CTBP2: variants seen among roughly 807,000 people sequenced by gnomAD.
CTBP2 encodes the protein C-terminal-binding protein 2.
A neutral mutation model predicts 80.3 loss-of-function variants in CTBP2; 30 were observed. The ratio of observed to expected loss-of-function variants is 0.37; its 90% CI spans 0.28 to 0.51. The LOEUF is 0.51. CTBP2 is among the 20% of genes least tolerant of loss of function. CTBP2 has a pLI of 0.93. For synonymous variants in CTBP2, 594 were observed against 587.4 expected, an observed-to-expected ratio of 1.01 and a Z score of -0.16; for missense variants, 1,212 against 1,375.3, an observed-to-expected ratio of 0.88 and a Z score of 1.88.
chr10:125,022,783 G>C (rs1002115210), intron 1 of CTBP2, among the ~76,000 whole-genome samples: 2 of 152,224 alleles, frequency 1.3e-5, no homozygotes, highest in African/African-American at 4.8e-5. Flanking sequence ...CTCTGAGATG[G>C]GGGAAGCCTG....
In CTBP2 at chr10:124,992,576, T is replaced by G. The variant is rs1043174043; in HGVS notation, c.2777+119A>C. The G allele has an allele frequency of 3.1e-5, 20 of 641,000 alleles. No homozygotes were observed. The African/African-American group carries it at 3.5e-4, about 11-fold the overall frequency. 39.7% of individuals were successfully genotyped at this position (641,000 alleles called of 1,614,324 possible). A position where few individuals can be genotyped will look rare whatever the true frequency, so the allele number is the denominator to read the frequency against. On this transcript the variant is annotated intron_variant, in intron 8 of 8. Transcript: ENST00000309035. ...CACAGTTCCTGCTGAGAAGGCTGAT[T>G]GTTCTGACCCTGACTTAGCATCTGC...
At chr10:125,101,709 C>T (rs1850652450) in intron 2 of CTBP2, among the ~76,000 whole-genome samples, 1 of 152,164 alleles carries the variant, frequency 6.6e-6, no homozygotes, top group Admixed American at 6.5e-5. Flanking sequence ...ATGTTCATTG[C>T]AACATAGACC....
chr10:125,000,764 C>T (rs1954357697), intron 3 of CTBP2: 2 of 152,292 alleles, frequency 1.3e-5, no homozygotes, highest in Non-Finnish European at 2.9e-5. Flanking sequence ...GAGGGACCCT[C>T]TTTCATCAGG....
intron 2 of CTBP2, among the ~76,000 whole-genome samples, chr10:125,041,466 G>A (rs1040296176): frequency 1.3e-5 from 2 of 151,640 alleles, no homozygotes; most frequent in East Asian, 3.9e-4. Flanking sequence ...GTGGGGGCGG[G>A]GGGCCAAACC....
intron 2 of CTBP2, among the ~76,000 whole-genome samples, chr10:125,077,787 C>T (rs533134079): frequency 1.1e-3 from 167 of 152,308 alleles, no homozygotes; most frequent in Admixed American, 1.7e-3. Context: ...CTCTGCCTCC[C>T]GTGTTCAACC....
intron 1 of CTBP2, among the ~76,000 whole-genome samples, chr10:125,145,623 G>T (rs553923036): frequency 6.6e-6 from 1 of 152,250 alleles, no homozygotes; most frequent in Admixed American, 6.5e-5. Flanking sequence ...GGGAGGATTT[G>T]TCTTTCTCAA....
chr10:125,126,294 C>T (rs187700380), intron 1 of CTBP2, among the ~76,000 whole-genome samples: 120 of 152,322 alleles, frequency 7.9e-4, no homozygotes, highest in African/African-American at 2.8e-3. Context: ...AACTTAAGTT[C>T]TAATTCCACT....
At chr10:125,101,251 A>G (rs1319953606) in intron 2 of CTBP2, among the ~76,000 whole-genome samples, 1 of 152,236 alleles carries the variant, frequency 6.6e-6, no homozygotes, top group Non-Finnish European at 1.5e-5. Context: ...GGCCTCTCCC[A>G]GTGTGGCTCT....
intron 1 of CTBP2, among the ~76,000 whole-genome samples, chr10:125,015,864 A>G (rs1179492624): frequency 6.6e-6 from 1 of 152,236 alleles, no homozygotes; most frequent in Non-Finnish European, 1.5e-5. Flanking sequence ...CCGGCCGCAC[A>G]AGAGGCTGGG....
intron 2 of CTBP2, among the ~76,000 whole-genome samples, chr10:125,091,092 C>T (rs1382609682): frequency 1.3e-5 from 2 of 152,180 alleles, no homozygotes; most frequent in African/African-American, 4.8e-5. Context: ...AAGGATATGA[C>T]TTAACACAAA....
chr10:125,147,047 C>T (rs1044989167), intron 1 of CTBP2, among the ~76,000 whole-genome samples: 1 of 152,220 alleles, frequency 6.6e-6, no homozygotes, highest in Non-Finnish European at 1.5e-5. Flanking sequence ...CAGGATGCCA[C>T]CAAGCAAGTC....
chr10:125,041,607 GCAGTC>G (rs1345278480), intron 2 of CTBP2, among the ~76,000 whole-genome samples: 2 of 149,026 alleles, frequency 1.3e-5, no homozygotes, highest in African/African-American at 5.0e-5. Flanking sequence ...TGGTCAAACT[GCAGTC>G]TGGCCCCTCC....
At chr10:125,140,106 C>T (rs1397582229) in intron 1 of CTBP2, among the ~76,000 whole-genome samples, 4 of 152,080 alleles carry the variant, frequency 2.6e-5, no homozygotes, top group African/African-American at 4.8e-5. Context: ...TGGGAAGCCC[C>T]GCTGAAATCT....
At chr10:125,063,236 C>T (rs994490136) in intron 2 of CTBP2, among the ~76,000 whole-genome samples, 15 of 151,498 alleles carry the variant, frequency 9.9e-5, no homozygotes, top group African/African-American at 2.4e-4. Context: ...TGTTACTCTG[C>T]GCACATCTTC....
At chr10:125,073,148 C>G (rs1258067255) in intron 2 of CTBP2, among the ~76,000 whole-genome samples, 8 of 152,260 alleles carry the variant, frequency 5.3e-5, no homozygotes, top group African/African-American at 1.9e-4. Flanking sequence ...CACTCTCTTA[C>G]ATTTTACATC....
chr10:125,003,712 G>GCTGCT (rs759754748), intron 1 of CTBP2, among the ~76,000 whole-genome samples: 2 of 152,192 alleles, frequency 1.3e-5, no homozygotes, highest in Admixed American at 6.5e-5. Flanking sequence ...GACGCACACG[G>GCTGCT]CTGCTTCCCT....
chr10:125,150,779 T>A (rs1408572049), intron 1 of CTBP2, among the ~76,000 whole-genome samples: 1 of 149,334 alleles, frequency 6.7e-6, no homozygotes, highest in Non-Finnish European at 1.5e-5. Flanking sequence ...GGGGCCTGCC[T>A]CACTTCCTGC....
At chr10:125,062,144 A>G (rs1341286531) in intron 2 of CTBP2, among the ~76,000 whole-genome samples, 1 of 152,060 alleles carries the variant, frequency 6.6e-6, no homozygotes, top group Non-Finnish European at 1.5e-5. Flanking sequence ...AACCCAGCGG[A>G]CTCAAAACGG....
upstream of CTBP2, chr10:125,161,170 C>T (rs1301538978): frequency 6.6e-6 from 1 of 151,844 alleles, no homozygotes; most frequent in Non-Finnish European, 1.5e-5. Context: ...CAAATCGGCT[C>T]TCTCGGGGGA....
Sources: gnomAD v4.1 joint callset for allele counts (sites outside exome capture counted in the v4.1 genomes callset) on GRCh38, gnomAD v4.1.1 for gene constraint, MANE v1.5 for transcripts, NCBI Gene and HGNC (gene_info 2026-07-23, HGNC 2026-07-21) for gene names.